The following CNTN4 variants were observed in gnomAD, a reference collection of about 807,000 sequenced individuals.
The protein encoded by CNTN4 is contactin-4.
A neutral mutation model predicts 122.5 loss-of-function variants in CNTN4; 77 were observed. The observed-to-expected ratio is 0.63, with a 90% CI of 0.52 to 0.76. The LOEUF is 0.76. Ranked by LOEUF, CNTN4 falls within the 30% of genes least tolerant of loss-of-function variation. The pLI is 0.00. For synonymous variants in CNTN4, 512 were observed against 447.0 expected, an observed-to-expected ratio of 1.15 and a Z score of -1.83; for missense variants, 1,256 against 1,259.1, an observed-to-expected ratio of 1.00 and a Z score of 0.04.
intron 2 of CNTN4, among the ~76,000 whole-genome samples, chr3:2,259,982 T>A (rs963594172): frequency 6.6e-6 from 1 of 152,204 alleles, no homozygotes; most frequent in African/African-American, 2.4e-5. Context: ...GTTTTTTTAG[T>A]CACTGAGCTT....
intron 3 of CNTN4, among the ~76,000 whole-genome samples, chr3:2,462,458 G>C (rs1188903880): frequency 6.6e-6 from 1 of 152,168 alleles, no homozygotes; most frequent in Non-Finnish European, 1.5e-5. Flanking sequence ...GACTAGTGGT[G>C]ATGATTTTGG....
chr3:2,227,786 A>G (rs2149526266), intron 2 of CNTN4, among the ~76,000 whole-genome samples: 1 of 152,292 alleles, frequency 6.6e-6, no homozygotes, highest in Non-Finnish European at 1.5e-5. Flanking sequence ...AGGAGATTAA[A>G]TAGTAAATGA....
chr3:2,885,583 A>C (rs934744586), intron 9 of CNTN4, among the ~76,000 whole-genome samples: 1 of 152,164 alleles, frequency 6.6e-6, no homozygotes, highest in South Asian at 2.1e-4. Context: ...TTTATTCATT[A>C]TTTGGATATT....
chr3:2,869,670 G>A (rs532280718), intron 8 of CNTN4, among the ~76,000 whole-genome samples: 12 of 152,108 alleles, frequency 7.9e-5, no homozygotes, highest in African/African-American at 2.7e-4. Flanking sequence ...ATATTTGTCC[G>A]CTTGCCTTCC....
intron 2 of CNTN4, among the ~76,000 whole-genome samples, chr3:2,188,322 C>A (rs937693374): frequency 2.6e-5 from 4 of 152,098 alleles, no homozygotes; most frequent in African/African-American, 9.7e-5. Flanking sequence ...TAGGCCTGGC[C>A]CCTCTCTTGT....
chr3:2,631,325 T>C lies in CNTN4; in HGVS notation c.55+59767T>C, dbSNP rs182746004. ...CCATATGCAGTTAACAGAATGCTTC[T>C]GTTAGTGAACCTCACAAATGATTTA... On this transcript the variant is annotated intron_variant, in intron 4 of 24. Coordinates refer to ENST00000418658, the MANE Select transcript of CNTN4 (RefSeq NM_175607.3). Among the ~76,000 whole-genome samples the C allele has an allele frequency of 1.7e-3, 253 of 152,358 alleles. 1 individual carries two copies. The highest frequency in any genetic ancestry group is 5.8e-3 in the African/African-American group (240 of 41,590).
chr3:2,408,441 C>T (rs1476800040), intron 3 of CNTN4, among the ~76,000 whole-genome samples: 4 of 152,062 alleles, frequency 2.6e-5, no homozygotes, highest in Non-Finnish European at 5.9e-5. Flanking sequence ...ATTTATAATT[C>T]TCATTTAGGA....
At chr3:2,254,849 G>A (rs2040515038) in intron 2 of CNTN4, among the ~76,000 whole-genome samples, 1 of 152,154 alleles carries the variant, frequency 6.6e-6, no homozygotes, top group Non-Finnish European at 1.5e-5. Context: ...TTTTCACTCT[G>A]ATGATAGTTT....
chr3:2,544,431 T>C (rs764023760), intron 3 of CNTN4, among the ~76,000 whole-genome samples: 17 of 152,082 alleles, frequency 1.1e-4, no homozygotes, highest in Admixed American at 2.6e-4. Flanking sequence ...TCAGCAAACA[T>C]TTTAAGCACC....
intron 2 of CNTN4, among the ~76,000 whole-genome samples, chr3:2,326,669 GC>G (rs2043478134): frequency 6.6e-6 from 1 of 152,168 alleles, no homozygotes; most frequent in Non-Finnish European, 1.5e-5. Context: ...GTCACTGGAT[GC>G]CTTACAAGGA....
At chr3:2,781,434 C>T (rs889613061) in intron 6 of CNTN4, among the ~76,000 whole-genome samples, 13 of 140,884 alleles carry the variant, frequency 9.2e-5, no homozygotes, top group Non-Finnish European at 1.8e-4. Flanking sequence ...TGAGCAATGT[C>T]AACGAAGAGT....
intron 3 of CNTN4, among the ~76,000 whole-genome samples, chr3:2,366,726 C>CA (rs912485944): frequency 2.2e-5 from 3 of 139,386 alleles, no homozygotes; most frequent in African/African-American, 5.3e-5. Flanking sequence ...GACTCTGTCT[C>CA]AAAAAAAAAA....
chr3:2,747,620 A>G (rs1373040545), intron 6 of CNTN4, among the ~76,000 whole-genome samples: 1 of 152,148 alleles, frequency 6.6e-6, no homozygotes, highest in Non-Finnish European at 1.5e-5. Context: ...AAAAAACAAA[A>G]CAAAACAAAC....
chr3:2,808,522 A>G (rs1047063102), intron 6 of CNTN4, among the ~76,000 whole-genome samples: 3 of 152,150 alleles, frequency 2.0e-5, no homozygotes, highest in Non-Finnish European at 2.9e-5. Flanking sequence ...TTATAAAATT[A>G]TCACACTAGA....
intron 2 of CNTN4, among the ~76,000 whole-genome samples, chr3:2,262,636 T>TG (rs1559390513): frequency 6.6e-6 from 1 of 151,738 alleles, no homozygotes; most frequent in African/African-American, 2.4e-5. Context: ...CGTGTTTTTT[T>TG]TTTTTTGCAA....
At position 3,039,183 on chromosome 3, in the gene CNTN4, C is replaced by A. The variant is rs987341912; in HGVS notation, c.2163+180C>A. 9 of 621,480 alleles carry A rather than the reference C, an allele frequency of 1.4e-5. No homozygotes were observed. The African/African-American group carries it at 1.5e-4, about 10-fold the overall frequency. 38.5% of individuals were successfully genotyped at this position (621,480 alleles called of 1,614,324 possible). On this transcript the variant is annotated intron_variant, in intron 19 of 24. Coordinates refer to ENST00000418658, the MANE Select transcript of CNTN4 (RefSeq NM_175607.3). ...GCAGGAAGGACGGCACTTGCCCATC[C>A]ATTGTTGAGGCAAGTTTTAATTCAA...
chr3:2,705,971 A>G (rs1458064174), intron 4 of CNTN4, among the ~76,000 whole-genome samples: 2 of 133,804 alleles, frequency 1.5e-5, no homozygotes, highest in Non-Finnish European at 3.1e-5. Context: ...TATAAAATAT[A>G]TATTATATAA....
intron 4 of CNTN4, among the ~76,000 whole-genome samples, chr3:2,722,625 C>T (rs1455868716): frequency 6.6e-6 from 1 of 152,178 alleles, no homozygotes; most frequent in African/African-American, 2.4e-5. Context: ...TTTTTTTCCT[C>T]TCTTTTGATA....
chr3:2,813,047 A>T (rs1258190591), intron 6 of CNTN4, among the ~76,000 whole-genome samples: 1 of 152,134 alleles, frequency 6.6e-6, no homozygotes, highest in East Asian at 1.9e-4. Flanking sequence ...GTAAATTTCG[A>T]TTTATTTTCA....
Sources: allele counts gnomAD v4.1 joint callset (sites outside exome capture counted in the v4.1 genomes callset), GRCh38; gene constraint gnomAD v4.1.1; transcripts MANE v1.5; gene names NCBI Gene and HGNC (gene_info 2026-07-23, HGNC 2026-07-21).